Variants in PIGU observed in about 807,000 individuals in gnomAD.
PIGU encodes the protein GPI-anchor transamidase component PIGU.
Under a neutral mutation model 49.9 loss-of-function variants are expected in PIGU, and 24 were observed. The observed-to-expected ratio is 0.48, with a 90% CI of 0.35 to 0.68. The LOEUF is 0.68. Among genes scored for constraint, PIGU ranks in the 30% least tolerant of loss-of-function variants. PIGU has a pLI of 0.01. For synonymous variants in PIGU, 220 were observed against 205.7 expected, an observed-to-expected ratio of 1.07 and a Z score of -0.59; for missense variants, 490 against 532.6, an observed-to-expected ratio of 0.92 and a Z score of 0.79.
chr20:34,645,376 C>T (rs1346650531), intron 2 of PIGU, 42 bp from the exon 3 acceptor site: 1 of 1,533,734 alleles, frequency 6.5e-7, no homozygotes, highest in African/African-American at 1.4e-5. Context: ...TTAAGTTAAA[C>T]CTTACTATTA....
chr20:34,598,547 A>G (rs909597526), intron 7 of PIGU, among the ~76,000 whole-genome samples: 4 of 152,242 alleles, frequency 2.6e-5, no homozygotes, highest in Admixed American at 1.3e-4. Context: ...AAAGACATCT[A>G]TTAAACAGAT....
chr20:34,666,728 G>A (rs1217678218), intron 1 of PIGU, among the ~76,000 whole-genome samples: 12 of 119,180 alleles, frequency 1.0e-4, no homozygotes, highest in African/African-American at 2.3e-4. Context: ...ACAGAGTCTC[G>A]CTCTGTCACC....
chr20:34,600,894 C>T (rs879628302), intron 7 of PIGU, among the ~76,000 whole-genome samples: 2 of 152,036 alleles, frequency 1.3e-5, no homozygotes, highest in African/African-American at 2.4e-5. Context: ...ATTAGCCAGA[C>T]GTGGTGGCAC....
chr20:34,616,384 C>T (rs1985006898), intron 6 of PIGU, among the ~76,000 whole-genome samples: 1 of 152,148 alleles, frequency 6.6e-6, no homozygotes, highest in Admixed American at 6.5e-5. Flanking sequence ...AGGCATAATT[C>T]TTATAAAATT....
chr20:34,662,223 T>C (rs569159699), intron 1 of PIGU, among the ~76,000 whole-genome samples: 12 of 152,068 alleles, frequency 7.9e-5, no homozygotes, highest in African/African-American at 2.7e-4. Flanking sequence ...CAGGTGTGCA[T>C]CACCATGCCT....
intron 11 of PIGU, among the ~76,000 whole-genome samples, chr20:34,569,778 A>G (rs2146694195): frequency 6.6e-6 from 1 of 152,310 alleles, no homozygotes; most frequent in Admixed American, 6.5e-5. Flanking sequence ...GTGGTTTCTG[A>G]TGCCAGCTCA....
At chr20:34,606,634 T>A (rs1984626430) in intron 7 of PIGU, among the ~76,000 whole-genome samples, 1 of 152,252 alleles carries the variant, frequency 6.6e-6, no homozygotes, top group South Asian at 2.1e-4. Context: ...TCAGAGTTGA[T>A]AACGTGTATT....
At chr20:34,663,167 A>C (rs1986980695) in intron 1 of PIGU, among the ~76,000 whole-genome samples, 1 of 152,162 alleles carries the variant, frequency 6.6e-6, no homozygotes. Context: ...GACCTCCCAA[A>C]GTGGTGGGAT....
At chr20:34,674,264 A>G (rs375848451) in intron 1 of PIGU, among the ~76,000 whole-genome samples, 6 of 151,680 alleles carry the variant, frequency 4.0e-5, no homozygotes, top group African/African-American at 1.5e-4. Flanking sequence ...CTGAGACGAG[A>G]TAACAGCCTG....
intron 6 of PIGU, among the ~76,000 whole-genome samples, chr20:34,630,119 G>A (rs1985649484): frequency 6.6e-6 from 1 of 152,068 alleles, no homozygotes; most frequent in Admixed American, 6.6e-5. Context: ...CAAGTTGAAA[G>A]TTTATATACA....
chr20:34,648,929 G>A (rs970745557), intron 2 of PIGU, among the ~76,000 whole-genome samples: 7 of 151,954 alleles, frequency 4.6e-5, no homozygotes, highest in African/African-American at 1.7e-4. Flanking sequence ...GTGCAGTGGC[G>A]CGATCTCAGC....
At chr20:34,626,797 T>C (rs898508854) in intron 6 of PIGU, among the ~76,000 whole-genome samples, 1 of 152,204 alleles carries the variant, frequency 6.6e-6, no homozygotes, top group Non-Finnish European at 1.5e-5. Flanking sequence ...CTTTTCTTTA[T>C]TAATTATCCA....
intron 7 of PIGU, among the ~76,000 whole-genome samples, chr20:34,591,875 G>A (rs1212314936): frequency 6.6e-6 from 1 of 152,146 alleles, no homozygotes; most frequent in Non-Finnish European, 1.5e-5. Flanking sequence ...TACTCTGAGG[G>A]AAAAGTACAG....
rs568610640 is a variant in PIGU at position 34,588,768 on chromosome 20, A to C, written c.628-161T>G. On this transcript the variant is annotated intron_variant, in intron 7 of 11. Coordinates refer to ENST00000217446, the MANE Select transcript of PIGU (RefSeq NM_080476.5). ...ACTAAGAAGGATGTAAGTGTTAAAA[A>C]GGTATTACGGGTGCATCCTCTGACC... is the stretch of plus-strand genomic sequence containing the variant. 3.0e-4 allele frequency among the ~76,000 whole-genome samples: 46 copies of C among 152,302 alleles called. No homozygotes were observed. The South Asian group carries it at 9.5e-3, about 32-fold the overall frequency.
Position 34,564,301 on chromosome 20 carries a change from C to T in PIGU, c.1195-3322G>A, listed in dbSNP as rs541682872. On this transcript the variant is annotated intron_variant, in intron 11 of 11. Coordinates refer to ENST00000217446, the MANE Select transcript of PIGU (RefSeq NM_080476.5). ...ACTTAGGCAACTAGGTGGGGGCTTA[C>T]AGGAACTCTGTTCTATCTCTGCAAC... Among the ~76,000 whole-genome samples, 143 of 152,310 alleles carry T rather than the reference C, an allele frequency of 9.4e-4. 1 individual carries two copies. The highest frequency in any genetic ancestry group is 3.2e-3 in the African/African-American group (135 of 41,570).
At chr20:34,645,454 T>C in intron 2 of PIGU, 120 bp from the exon 3 acceptor site, 1 of 1,274,706 alleles carries the variant, frequency 7.8e-7, no homozygotes, top group African/African-American at 1.6e-5. Flanking sequence ...AGTATTCTCC[T>C]TCCTGGAATA....
intron 7 of PIGU, among the ~76,000 whole-genome samples, chr20:34,607,437 C>T (rs949730192): frequency 3.3e-5 from 5 of 152,200 alleles, no homozygotes; most frequent in Admixed American, 3.3e-4. Context: ...TTCAGACGGA[C>T]ACCTTGATGG....
At chr20:34,593,805 T>A (rs764853591) in intron 7 of PIGU, among the ~76,000 whole-genome samples, 3 of 152,048 alleles carry the variant, frequency 2.0e-5, no homozygotes, top group Non-Finnish European at 4.4e-5. Flanking sequence ...GTCTTTAACT[T>A]TGATGTAGAA....
chr20:34,623,678 C>A (rs565942860), intron 6 of PIGU, among the ~76,000 whole-genome samples: 1 of 152,144 alleles, frequency 6.6e-6, no homozygotes, highest in African/African-American at 2.4e-5. Flanking sequence ...ATAGGCAGAG[C>A]AACTAGTTAT....
Sources: allele counts gnomAD v4.1 joint callset (sites outside exome capture counted in the v4.1 genomes callset), GRCh38; gene constraint gnomAD v4.1.1; transcripts MANE v1.5; gene names NCBI Gene and HGNC (gene_info 2026-07-23, HGNC 2026-07-21).